YPEL4: variants seen among roughly 807,000 people sequenced by gnomAD.
YPEL4 encodes the protein protein yippee-like 4.
A neutral mutation model predicts 16.3 loss-of-function variants in YPEL4; 5 were observed. The observed-to-expected ratio is 0.31, with a 90% CI of 0.16 to 0.64. YPEL4 has a LOEUF of 0.64. YPEL4 is among the 30% of genes least tolerant of loss of function. The pLI, the probability that YPEL4 is intolerant of heterozygous loss-of-function variation, is 0.79. For synonymous variants in YPEL4, 61 were observed against 60.7 expected (o/e 1.00, Z -0.02); for missense variants, 127 against 170.0 (o/e 0.75, Z 1.41).
At chr11:57,646,591 TC>T in intron 3 of YPEL4, 159 bp downstream of exon 3, 1 of 1,243,888 alleles carries the variant, frequency 8.0e-7, no homozygotes, top group East Asian at 2.5e-5. Context: ...CTCCCCCGGC[TC>T]CCCATGTGAG....
In YPEL4 at chr11:57,647,135, G is replaced by A. The variant is rs1393045431; in HGVS notation, c.-28C>T. ...CGGGCTGGAGGACAATGCCCTGGTGGGCTGGAGGGGCTGGCGCCGTGCAGC... is the reference window on the plus strand; with the variant it reads ...CGGGCTGGAGGACAATGCCCTGGTGAGCTGGAGGGGCTGGCGCCGTGCAGC... On this transcript the variant is annotated 5_prime_UTR_variant, in exon 2 of 5. Coordinates refer to ENST00000300022, the MANE Select transcript of YPEL4 (RefSeq NM_145008.3). This position sits in a 1 kb window ranked among gnomAD's most constrained non-coding sequence, Gnocchi z 4.2. The A allele has an allele frequency of 2.6e-6, 4 of 1,532,694 alleles. No individual in the cohort carries two copies. Among genetic ancestry groups the A allele is most frequent in the Non-Finnish European group, 3.5e-6 (4 of 1,143,408 alleles). The allele number at this position is 1,532,694 out of a possible 1,614,324, so 94.9% of individuals were successfully genotyped here.
Position 57,645,966 on chromosome 11 carries a change from C to T in YPEL4, c.*15G>A. The T allele has an allele frequency of 6.2e-7, 1 of 1,612,578 alleles. No individual in the cohort carries two copies. Among genetic ancestry groups the T allele is most frequent in the South Asian group, 1.1e-5 (1 of 91,024 alleles). ...GAGGGGCATGCGGAGGAAGGGCACA[C>T]CCTGCCTGAGCCCCTCAGTCCCAGC... On this transcript the variant is annotated 3_prime_UTR_variant, in exon 5 of 5. Transcript: ENST00000300022.
At chr11:57,646,667 T>G in intron 3 of YPEL4, 84 bp downstream of exon 3, 2 of 1,568,740 alleles carry the variant, frequency 1.3e-6, no homozygotes, top group Admixed American at 1.9e-5. Context: ...GATCACCTGA[T>G]GGATTCCCCC....
At chr11:57,648,938 ATCCTG>A in intron 1 of YPEL4, 1 of 152,186 alleles carries the variant, frequency 6.6e-6, no homozygotes, top group Non-Finnish European at 1.5e-5. Context: ...TGGGTCCCCA[ATCCTG>A]AGCTCCTTCT....
Position 57,646,289 on chromosome 11 carries a change from G to A in YPEL4, c.294+8C>T. On this transcript the variant is annotated splice_region_variant and intron_variant, in intron 4 of 4. Transcript: ENST00000300022. ...TTTAGAGGGTGACCCTCTTCCTCAG[G>A]TACTTACATATTTCCAGCCCAGTGT... The A allele has an allele frequency of 6.2e-7, 1 of 1,614,002 alleles. No homozygotes were observed. Among genetic ancestry groups the A allele is most frequent in the African/African-American group, 1.3e-5 (1 of 75,022 alleles).
In YPEL4 at chr11:57,645,957, A is replaced by T. The variant is rs751311101; in HGVS notation, c.*24T>A. The T allele has an allele frequency of 3.1e-6, 5 of 1,609,212 alleles. No homozygotes were observed. The highest frequency in any genetic ancestry group is 3.4e-6 in the Non-Finnish European group (4 of 1,176,618). Reference sequence around the variant, plus strand: ...GTGGGGAGGGAGGGGCATGCGGAGGAAGGGCACACCCTGCCTGAGCCCCTC... The same window carrying T: ...GTGGGGAGGGAGGGGCATGCGGAGGTAGGGCACACCCTGCCTGAGCCCCTC... On this transcript the variant is annotated 3_prime_UTR_variant, in exon 5 of 5. Coordinates refer to ENST00000300022, the MANE Select transcript of YPEL4 (RefSeq NM_145008.3).
Position 57,646,360 on chromosome 11 carries a change from C to T in YPEL4, c.231G>A (p.Thr77=), listed in dbSNP as rs1363692013. The part of the protein sequence containing the change: ...CGPAEQRLLL[T]GLHSVADIFC... ...AAATGTCAGCTACCGAGTGGAGCCC[C>T]GTGAGCAAGAGGCGCTGTTCAGCTG... is the stretch of plus-strand genomic sequence containing the variant. The change falls in exon 4 of 5, where the codon ACG becomes ACA. Residue 77 remains threonine (T), a synonymous_variant. Coordinates refer to ENST00000300022, the MANE Select transcript of YPEL4 (RefSeq NM_145008.3). 6.8e-6 allele frequency: 11 copies of T among 1,614,028 alleles called. No individual in the cohort carries two copies. Among genetic ancestry groups the T allele is most frequent in the Admixed American group, 1.7e-5 (1 of 59,994 alleles).
chr11:57,648,929 G>A (rs1444992423), intron 1 of YPEL4: 1 of 152,268 alleles, frequency 6.6e-6, no homozygotes, highest in Non-Finnish European at 1.5e-5. Context: ...GGGGCAGCTT[G>A]GGTCCCCAAT....
Position 57,649,872 on chromosome 11 carries a change from A to T in YPEL4, c.-372T>A, listed in dbSNP as rs1181328430. The T allele has an allele frequency of 1.3e-5, 2 of 151,606 alleles. No homozygotes were observed. Among genetic ancestry groups the T allele is most frequent in the African/African-American group, 4.9e-5 (2 of 41,010 alleles). The allele number at this position is 151,606 out of a possible 1,614,324, so 9.4% of individuals were successfully genotyped here. On this transcript the variant is annotated 5_prime_UTR_variant, in exon 1 of 5. Transcript: ENST00000300022. ...AGCTGGCCAGCTGCTGGGGGGGCAG[A>T]GGTTGTCTCTCGTTCTGTACCTCGG...
chr11:57,649,516 G>A (rs1275608601), intron 1 of YPEL4, 169 bp downstream of exon 1: 2 of 152,444 alleles, frequency 1.3e-5, no homozygotes, highest in Non-Finnish European at 2.9e-5. Context: ...GTCAGAGCTT[G>A]GAGAGGGATG....
rs917164691 is a variant in YPEL4 at position 57,647,353 on chromosome 11, A to G, written c.-184-62T>C. ...CCTCAGGAGGACCCCTCCTGAGGGAATGGAGGAAAAGGGAATCAGCTCACC... is the reference window on the plus strand; with the variant it reads ...CCTCAGGAGGACCCCTCCTGAGGGAGTGGAGGAAAAGGGAATCAGCTCACC... On this transcript the variant is annotated intron_variant, in intron 1 of 4. Transcript: ENST00000300022. The surrounding 1 kb of genome is among the most constrained non-coding windows in gnomAD (Gnocchi z 4.2). 11 of 440,708 alleles carry G rather than the reference A, an allele frequency of 2.5e-5. No homozygotes were observed. Among genetic ancestry groups the G allele is most frequent in the Admixed American group, 4.1e-5 (1 of 24,218 alleles). 27.3% of individuals were successfully genotyped at this position (440,708 alleles called of 1,614,324 possible).
At position 57,646,348 on chromosome 11, in the gene YPEL4, C is replaced by T. The variant is rs769036791; in HGVS notation, c.243G>A (p.Ser81=). The T allele has an allele frequency of 5.3e-5, 85 of 1,614,026 alleles. No homozygotes were observed. Among genetic ancestry groups the T allele is most frequent in the Non-Finnish European group, 6.8e-5 (80 of 1,180,038 alleles). The change falls in exon 4 of 5, where the codon TCG becomes TCA. Residue 81 remains serine, a synonymous_variant. Transcript: ENST00000300022. ...EQRLLLTGLH[S]VADIFCESCK... is the part of the protein sequence containing the mutation. Reference sequence around the variant, plus strand: ...AGCTCTCACAGAAAATGTCAGCTACCGAGTGGAGCCCCGTGAGCAAGAGGC... The same window carrying T: ...AGCTCTCACAGAAAATGTCAGCTACTGAGTGGAGCCCCGTGAGCAAGAGGC...
In YPEL4 at chr11:57,646,098, G is replaced by A; in HGVS notation, c.295-28C>T. The A allele has an allele frequency of 3.1e-6, 5 of 1,613,270 alleles. No individual in the cohort carries two copies. The Middle Eastern group carries it at 5.0e-4, about 160-fold the overall frequency. On this transcript the variant is annotated intron_variant, in intron 4 of 4. Coordinates refer to ENST00000300022, the MANE Select transcript of YPEL4 (RefSeq NM_145008.3). ...GGTGAAGGAGAAAGCAGTGATTGTA[G>A]GACAAAGCAGTTTCCTTCCAGGCCC...
At chr11:57,648,431 T>A (rs1405340984) in intron 1 of YPEL4, 1 of 152,320 alleles carries the variant, frequency 6.6e-6, no homozygotes, top group Non-Finnish European at 1.5e-5. Flanking sequence ...GTGGCCCCTG[T>A]TGGCTCCGAT....
Position 57,646,248 on chromosome 11 carries a change from C to G in YPEL4, c.294+49G>C, listed in dbSNP as rs148577472. 1,210 of 1,602,814 alleles carry G rather than the reference C, an allele frequency of 7.5e-4. 10 individuals are homozygous for G. In the African/African-American group the frequency reaches 0.014, roughly 19 times the overall value. ...GACATGGTCACTGGTGCTTGAAGGG[C>G]CATGGGGACTGCCACTTTAGAGGGT... On this transcript the variant is annotated intron_variant, in intron 4 of 4. Transcript: ENST00000300022.
chr11:57,646,703 ACT>A (rs764020992), intron 3 of YPEL4, 46 bp downstream of exon 3: 1 of 1,608,222 alleles, frequency 6.2e-7, no homozygotes, highest in South Asian at 1.1e-5. Context: ...AAAATTACTC[ACT>A]CACACACAAG....
chr11:57,649,797 T>C lies in YPEL4; in HGVS notation c.-297A>G, dbSNP rs964702791. On this transcript the variant is annotated 5_prime_UTR_variant, in exon 1 of 5. Transcript: ENST00000300022. ...TCCGCTCCTTCAATTGGGAAGGGGA[T>C]GGGGGTGGGTGGGGGGAGGGTAGTT... 1 of 4,144 alleles carries C rather than the reference T, an allele frequency of 2.4e-4. No individual in the cohort carries two copies. The highest frequency in any genetic ancestry group is 4.4e-4 in the Non-Finnish European group (1 of 2,296). 0.3% of individuals were successfully genotyped at this position (4,144 alleles called of 1,614,324 possible).
At chr11:57,646,456 G>T in intron 3 of YPEL4, 51 bp from the exon 4 acceptor site, 2 of 1,603,202 alleles carry the variant, frequency 1.2e-6, no homozygotes, top group Middle Eastern at 1.8e-4. Context: ...TGCACTGTCA[G>T]TCCAGTCCCC....
In YPEL4 at chr11:57,647,037, C is replaced by T. The variant is rs754227451; in HGVS notation, c.71G>A (p.Arg24His). The T allele has an allele frequency of 5.2e-5, 83 of 1,597,994 alleles. No individual in the cohort carries two copies. Among genetic ancestry groups the T allele is most frequent in the South Asian group, 2.4e-4 (21 of 88,658 alleles). Residue 24 changes from arginine to histidine, a missense_variant, in exon 2 of 5, where the codon CGC (arginine) becomes CAC (histidine). Physicochemically the swap from Arg to His is conservative, Grantham distance 29 (BLOSUM62 0). Transcript: ENST00000300022. The surrounding 1 kb of genome is among the most constrained non-coding windows in gnomAD (Gnocchi z 4.2). ...GACACAGCTGTAAGTGCGGTGACAG[C>T]GGGGCAGATAGCTGCGGAAAGTCTT... Reference protein sequence around the residue: ...PTKTFRSYLPRCHRTYSCVHC... With the variant: ...PTKTFRSYLPHCHRTYSCVHC...
Sources: allele counts gnomAD v4.1 joint callset, GRCh38; gene constraint gnomAD v4.1.1; non-coding constraint Gnocchi (gnomAD v3.1); transcripts MANE v1.5; gene names NCBI Gene and HGNC (gene_info 2026-07-23, HGNC 2026-07-21).